Variants in DUSP19 observed in about 807,000 individuals in gnomAD.
DUSP19 encodes the protein dual specificity phosphatase 19, also known as dual specificity protein phosphatase 19.
In DUSP19, 14 loss-of-function variants were observed where a neutral mutation model predicts 16.6. That is an observed-to-expected ratio of 0.84 (90% CI 0.56 to 1.32). DUSP19 has a LOEUF of 1.32. DUSP19 is among the 40% of genes most tolerant of loss of function. The probability of loss-of-function intolerance (pLI) is 0.00; values close to 1 mark genes in which losing one functional copy is unlikely to be tolerated. For missense variants in DUSP19, 258 were observed against 255.9 expected, an observed-to-expected ratio of 1.01 and a Z score of -0.06; for synonymous variants, 81 against 90.5, an observed-to-expected ratio of 0.90 and a Z score of 0.59.
At chr2:183,094,699 G>C (rs527910255) in intron 3 of DUSP19, among the ~76,000 whole-genome samples, 3 of 152,188 alleles carry the variant, frequency 2.0e-5, no homozygotes, top group East Asian at 3.9e-4. Flanking sequence ...ACTTCACATT[G>C]TTATGAGCTA....
chr2:183,096,407 T>C lies in DUSP19; in HGVS notation c.*749T>C, dbSNP rs1699802997. 1 of 152,130 alleles carries C rather than the reference T, an allele frequency of 6.6e-6. No individual in the cohort carries two copies. The highest frequency in any genetic ancestry group is 2.1e-4 in the South Asian group (1 of 4,820). The allele number at this position is 152,130 out of a possible 1,614,324, so 9.4% of individuals were successfully genotyped here. ...GCCTGCCACCATGCCCAGCTAATTT[T>C]TGTGTTTTTAGTAGAGATGGAGTCT... On this transcript the variant is annotated 3_prime_UTR_variant, in exon 4 of 4. Transcript: ENST00000354221.
rs1015863284 is a variant in DUSP19, at chr2:183,079,075, C to G, written c.142C>G (p.Pro48Ala). 1 of 1,614,018 alleles carries G rather than the reference C, an allele frequency of 6.2e-7. No individual in the cohort carries two copies. Among genetic ancestry groups the G allele is most frequent in the African/African-American group, 1.3e-5 (1 of 74,996 alleles). Residue 48 changes from proline to alanine, a missense_variant, in exon 1 of 4, where the codon CCG (proline) becomes GCG (alanine). Pro to Ala is a conservative substitution (Grantham distance 27, BLOSUM62 -1). Coordinates refer to ENST00000354221, the MANE Select transcript of DUSP19 (RefSeq NM_080876.4). ...ARIHVVEEVEPSSGGGCGYVQ... is the reference protein window; with the variant it reads ...ARIHVVEEVEASSGGGCGYVQ... ...AATTCATGTTGTGGAAGAAGTAGAG[C>G]CGAGCAGTGGGGGTGGTTGTGGTTA...
In DUSP19 at chr2:183,095,808, C is replaced by G; in HGVS notation, c.*150C>G. The G allele has an allele frequency of 2.0e-6, 1 of 500,150 alleles. No individual in the cohort carries two copies. The highest frequency in any genetic ancestry group is 3.5e-6 in the Non-Finnish European group (1 of 283,710). 31.0% of individuals were successfully genotyped at this position (500,150 alleles called of 1,614,324 possible). On this transcript the variant is annotated 3_prime_UTR_variant, in exon 4 of 4. Transcript: ENST00000354221. The stretch of plus-strand genomic sequence containing the variant: ...TGGAGGTCAATTTGATTGTCCTGAC[C>G]TACTGTATAAGTAAATTTCAAATGT...
At chr2:183,088,374 T>TTTTTTTG (rs1244855501) in intron 3 of DUSP19, among the ~76,000 whole-genome samples, 3 of 149,316 alleles carry the variant, frequency 2.0e-5, no homozygotes, top group Non-Finnish European at 4.4e-5. Flanking sequence ...AGGAAGAGGT[T>TTTTTTTG]TTTTTTGTTT....
rs963563124 is a variant in DUSP19 at position 183,098,651 on chromosome 2, A to G, written c.*2993A>G. 4 of 152,200 alleles carry G rather than the reference A, an allele frequency of 2.6e-5. No homozygotes were observed. The highest frequency in any genetic ancestry group is 9.7e-5 in the African/African-American group (4 of 41,450). The allele number at this position is 152,200 out of a possible 1,614,324, so 9.4% of individuals were successfully genotyped here. On this transcript the variant is annotated 3_prime_UTR_variant, in exon 4 of 4. Transcript: ENST00000354221. ...AAAGGAAAGGGAAAATGAAAACAGC[A>G]TGTCTTTTTAAACATTGAAAAGAAA...
At chr2:183,092,699 GTTT>G (rs781697293) in intron 3 of DUSP19, among the ~76,000 whole-genome samples, 1 of 119,170 alleles carries the variant, frequency 8.4e-6, no homozygotes, top group Non-Finnish European at 1.7e-5. Flanking sequence ...TTCTGCCCAA[GTTT>G]TTTTTTTTTT....
rs898651804 is a variant in DUSP19 at position 183,097,830 on chromosome 2, T to C, written c.*2172T>C. 1 of 152,206 alleles carries C rather than the reference T, an allele frequency of 6.6e-6. No homozygotes were observed. The highest frequency in any genetic ancestry group is 1.5e-5 in the Non-Finnish European group (1 of 68,022). 9.4% of individuals were successfully genotyped at this position (152,206 alleles called of 1,614,324 possible). ...CATTAAATGTCACATGAAGCCTTGA[T>C]AGAATTTGTTCATAATGGCTCATGT... On this transcript the variant is annotated 3_prime_UTR_variant, in exon 4 of 4. Transcript: ENST00000354221.
At chr2:183,080,426 A>G (rs1301079224) in intron 1 of DUSP19, among the ~76,000 whole-genome samples, 1 of 152,240 alleles carries the variant, frequency 6.6e-6, no homozygotes, top group Non-Finnish European at 1.5e-5. Flanking sequence ...TAGTTTCTAC[A>G]GTCCCGTGAA....
At position 183,078,785 on chromosome 2, in the gene DUSP19, G is replaced by A. The variant is rs999095456; in HGVS notation, c.-149G>A. On this transcript the variant is annotated 5_prime_UTR_variant, in exon 1 of 4. Coordinates refer to ENST00000354221, the MANE Select transcript of DUSP19 (RefSeq NM_080876.4). ...GGGATAAACGGAGCTGGACGACTCA[G>A]TCTCTTGGTCTGTGGCTGCTGCGGT... 4 of 667,782 alleles carry A rather than the reference G, an allele frequency of 6.0e-6. No homozygotes were observed. The Admixed American group carries it at 1.1e-4, about 19-fold the overall frequency. The allele number at this position is 667,782 out of a possible 1,614,324, so 41.4% of individuals were successfully genotyped here. A position where few individuals can be genotyped will look rare whatever the true frequency, so the allele number is the denominator to read the frequency against.
intron 2 of DUSP19, among the ~76,000 whole-genome samples, chr2:183,086,212 C>G (rs1456255853): frequency 6.6e-6 from 1 of 151,996 alleles, no homozygotes; most frequent in Non-Finnish European, 1.5e-5. Context: ...CATCAGGTGA[C>G]TCTAATGTGC....
At chr2:183,084,944 G>A (rs997762036) in intron 2 of DUSP19, among the ~76,000 whole-genome samples, 1 of 152,216 alleles carries the variant, frequency 6.6e-6, no homozygotes, top group African/African-American at 2.4e-5. Flanking sequence ...GGCTAAGGGA[G>A]AAGGAGGAGT....
chr2:183,090,535 C>T (rs185315667), intron 3 of DUSP19, among the ~76,000 whole-genome samples: 12 of 152,162 alleles, frequency 7.9e-5, no homozygotes, highest in East Asian at 5.8e-4. Context: ...AAAAACATGA[C>T]GTAAGTAGTC....
chr2:183,093,793 G>C, intron 3 of DUSP19, among the ~76,000 whole-genome samples: 1 of 152,144 alleles, frequency 6.6e-6, no homozygotes, highest in East Asian at 1.9e-4. Context: ...AAGCCGACTA[G>C]TATATAAGCA....
chr2:183,090,913 G>A (rs566722100), intron 3 of DUSP19, among the ~76,000 whole-genome samples: 1 of 152,340 alleles, frequency 6.6e-6, no homozygotes, highest in South Asian at 2.1e-4. Flanking sequence ...CTGCTCAGGA[G>A]GGGAGGGCTG....
intron 1 of DUSP19, among the ~76,000 whole-genome samples, chr2:183,081,043 C>T (rs912923886): frequency 1.3e-5 from 2 of 152,054 alleles, no homozygotes; most frequent in Non-Finnish European, 2.9e-5. Flanking sequence ...GCATCGCATG[C>T]CAAACAACTT....
intron 1 of DUSP19, among the ~76,000 whole-genome samples, chr2:183,081,714 G>A (rs1340269963): frequency 6.6e-6 from 1 of 152,142 alleles, no homozygotes; most frequent in African/African-American, 2.4e-5. Flanking sequence ...TTTAACAAAT[G>A]TTAATATTTT....
At chr2:183,079,214 C>A in intron 1 of DUSP19, 55 bp downstream of exon 1, 1 of 1,504,752 alleles carries the variant, frequency 6.6e-7, no homozygotes, top group Non-Finnish European at 9.1e-7. Flanking sequence ...AGATTACGTT[C>A]TCATTTTCCC....
chr2:183,094,373 C>T (rs1368647142), intron 3 of DUSP19, among the ~76,000 whole-genome samples: 1 of 152,008 alleles, frequency 6.6e-6, no homozygotes, highest in Non-Finnish European at 1.5e-5. Context: ...ATATTTTTTC[C>T]CTCCTGCTCT....
In DUSP19 at chr2:183,097,649, C is replaced by G. The variant is rs918146882; in HGVS notation, c.*1991C>G. The stretch of plus-strand genomic sequence containing the variant: ...AAATATAATCAACGTACAGTGAGCT[C>G]TTTGAAGCCAACCAAGGCAGGCAGA... On this transcript the variant is annotated 3_prime_UTR_variant, in exon 4 of 4. Transcript: ENST00000354221. 5 of 152,128 alleles carry G rather than the reference C, an allele frequency of 3.3e-5. No individual in the cohort carries two copies. The highest frequency in any genetic ancestry group is 1.2e-4 in the African/African-American group (5 of 41,428). 9.4% of individuals were successfully genotyped at this position (152,128 alleles called of 1,614,324 possible). A position where few individuals can be genotyped will look rare whatever the true frequency, so the allele number is the denominator to read the frequency against.
Sources: allele counts gnomAD v4.1 joint callset (sites outside exome capture counted in the v4.1 genomes callset), GRCh38; gene constraint gnomAD v4.1.1; transcripts MANE v1.5; gene names NCBI Gene and HGNC (gene_info 2026-07-23, HGNC 2026-07-21).